The following INTS6 variants were observed in gnomAD, a reference collection of about 807,000 sequenced individuals.
INTS6 encodes DEAD box protein.
In INTS6, 16 loss-of-function variants were observed where a neutral mutation model predicts 104.9. The ratio of observed to expected loss-of-function variants is 0.15; its 90% confidence interval spans 0.10 to 0.23. INTS6 has a LOEUF of 0.23. Among genes scored for constraint, INTS6 ranks in the 10% least tolerant of loss-of-function variants. The pLI, the probability that INTS6 is intolerant of heterozygous loss-of-function variation, is 1.00. For missense variants in INTS6, 584 were observed against 1,062.8 expected, an observed-to-expected ratio of 0.55 and a Z score of 6.26; for synonymous variants, 324 against 358.7, an observed-to-expected ratio of 0.90 and a Z score of 1.09.
intron 3 of INTS6, among the ~76,000 whole-genome samples, chr13:51,431,175 C>T (rs945879969): frequency 3.9e-5 from 6 of 152,122 alleles, no homozygotes; most frequent in African/African-American, 1.4e-4. Flanking sequence ...ATAAGCTTGC[C>T]TTTTACATAT....
At chr13:51,334,852 A>G in the INTS6 span, among the ~76,000 whole-genome samples, 1 of 151,812 alleles carries the variant, frequency 6.6e-6, no homozygotes, top group East Asian at 1.9e-4. Flanking sequence ...GCATGGTGGC[A>G]GGCACCTGTA....
chr13:51,405,816 G>A (rs1367880497), intron 4 of INTS6, among the ~76,000 whole-genome samples: 2 of 152,232 alleles, frequency 1.3e-5, no homozygotes, highest in East Asian at 3.9e-4. Flanking sequence ...GTACGTTCCA[G>A]TCCTGGATAA....
chr13:51,429,793 T>A (rs202042455), intron 4 of INTS6, among the ~76,000 whole-genome samples: 5,216 of 102,798 alleles, frequency 0.051, 183 homozygotes, highest in East Asian at 0.12. Context: ...AAAATATATA[T>A]ATATATATAT....
At chr13:51,406,608 A>G (rs924482186) in intron 4 of INTS6, among the ~76,000 whole-genome samples, 1 of 152,084 alleles carries the variant, frequency 6.6e-6, no homozygotes, top group Non-Finnish European at 1.5e-5. Context: ...CAATGCTCCA[A>G]CGGAGACCAC....
intron 4 of INTS6, among the ~76,000 whole-genome samples, chr13:51,400,714 C>T (rs1198239470): frequency 6.6e-5 from 10 of 151,986 alleles, no homozygotes; most frequent in Admixed American, 6.6e-4. Context: ...TAAAAGTAAA[C>T]AATGTTTAGA....
chr13:51,440,351 AATC>A (rs1235110506), intron 3 of INTS6: 1 of 152,188 alleles, frequency 6.6e-6, no homozygotes, highest in African/African-American at 2.4e-5. Flanking sequence ...TTGTATCTTA[AATC>A]TTACTAAAAA....
chr13:51,346,931 T>C, the INTS6 span: 2 of 904,226 alleles, frequency 2.2e-6, no homozygotes, highest in Non-Finnish European at 3.5e-6. Context: ...CATTTTCGCA[T>C]TTTAACTCTG....
chr13:51,450,400 C>G, intron 3 of INTS6: 1 of 985,320 alleles, frequency 1.0e-6, no homozygotes, highest in African/African-American at 1.7e-5. Flanking sequence ...AGGGTTCTTT[C>G]ATATTTTCCA....
At chr13:51,435,263 T>C (rs1202016699) in intron 3 of INTS6, among the ~76,000 whole-genome samples, 2 of 151,996 alleles carry the variant, frequency 1.3e-5, no homozygotes, top group Non-Finnish European at 2.9e-5. Context: ...CATAAAGAAA[T>C]CCAAACATAT....
chr13:51,348,219 T>C, the INTS6 span: 1 of 1,586,594 alleles, frequency 6.3e-7, no homozygotes. Flanking sequence ...TCAGGTCAGT[T>C]CCAGGACACT....
Position 51,365,088 on chromosome 13 carries a change from TAC to T in INTS6, c.*662_*663del, listed in dbSNP as rs1347324320. 6.6e-6 allele frequency: 1 copy of T among 152,494 alleles called. No homozygotes were observed. Among genetic ancestry groups the T allele is most frequent in the Non-Finnish European group, 1.5e-5 (1 of 67,956 alleles). The allele number at this position is 152,494 out of a possible 1,614,324, so 9.4% of individuals were successfully genotyped here. A position where few individuals can be genotyped will look rare whatever the true frequency, so the allele number is the denominator to read the frequency against. ...CAATGCAGATTATGTAACATGTAAT[TAC>T]AGTTAGGCTTAACAAACATGAACTT... is the stretch of plus-strand genomic sequence containing the variant. On this transcript the variant is annotated 3_prime_UTR_variant, in exon 18 of 18. Coordinates refer to ENST00000311234, the MANE Select transcript of INTS6 (RefSeq NM_012141.3).
At chr13:51,385,511 G>A (rs985500360) in intron 7 of INTS6, among the ~76,000 whole-genome samples, 1 of 151,836 alleles carries the variant, frequency 6.6e-6, no homozygotes, top group Non-Finnish European at 1.5e-5. Context: ...ACTTGGCCAA[G>A]AAAATTTTGC....
At position 51,428,653 on chromosome 13, in the gene INTS6, A is replaced by G. The variant is rs1045948563; in HGVS notation, c.429+1641T>C. ...TGAATTTTTATTGCTTGCTTTTTAT[A>G]TAATCCACGTCTACCTGTTTCTGAA... On this transcript the variant is annotated intron_variant, in intron 4 of 17. Coordinates refer to ENST00000311234, the MANE Select transcript of INTS6 (RefSeq NM_012141.3). Among the ~76,000 whole-genome samples the G allele has an allele frequency of 2.6e-5, 4 of 152,032 alleles. No individual in the cohort carries two copies. In the South Asian group the frequency reaches 6.2e-4, roughly 24 times the overall value.
the INTS6 span, among the ~76,000 whole-genome samples, chr13:51,344,710 A>G: frequency 2.0e-5 from 3 of 152,024 alleles, no homozygotes; most frequent in African/African-American, 7.2e-5. Flanking sequence ...ATGGGCACAC[A>G]CACACACACA....
At chr13:51,340,769 T>G in the INTS6 span, 1 of 416,256 alleles carries the variant, frequency 2.4e-6, no homozygotes, top group African/African-American at 2.0e-5. Flanking sequence ...AATGCTTTGC[T>G]TCTGATCTGA....
rs2408363 is a variant in INTS6 at position 51,362,136 on chromosome 13, G to A, written c.*3616C>T. 0.14 allele frequency: 176,092 copies of A among 1,235,454 alleles called. 13,336 individuals are homozygous for A. The highest frequency in any genetic ancestry group is 0.17 in the South Asian group (7,728 of 45,876). The allele number at this position is 1,235,454 out of a possible 1,614,324, so 76.5% of individuals were successfully genotyped here. On this transcript the variant is annotated 3_prime_UTR_variant, in exon 18 of 18. Coordinates refer to ENST00000311234, the MANE Select transcript of INTS6 (RefSeq NM_012141.3). ...TCTCAGCTCATATATAGTTAATGTA[G>A]ATTTTTTTTTTTAATGCTATAGGTT...
rs748442492 is a variant in INTS6, at chr13:51,383,438, T to C, written c.1071A>G (p.Lys357=). Residue 357 remains lysine (K), a synonymous_variant, in exon 9 of 18, where the codon AAA becomes AAG. Transcript: ENST00000311234. ...CWQVYVSNSA[K]YSELGHPFGY... is the part of the protein sequence containing the mutation. ...CAAAAGGATGACCAAGTTCACTGTATTTTGCACTATTGCTCACGTACACCT... is the reference window on the plus strand; with the variant it reads ...CAAAAGGATGACCAAGTTCACTGTACTTTGCACTATTGCTCACGTACACCT... 4.3e-6 allele frequency: 7 copies of C among 1,613,968 alleles called. No individual in the cohort carries two copies. In the East Asian group the frequency reaches 1.6e-4, roughly 36 times the overall value.
At chr13:51,349,969 A>C (rs757690443), downstream of INTS6, among the ~76,000 whole-genome samples, 1 of 152,204 alleles carries the variant, frequency 6.6e-6, no homozygotes, top group Non-Finnish European at 1.5e-5. Flanking sequence ...GAACAAAACA[A>C]AAAAAGTAAA....
intron 3 of INTS6, among the ~76,000 whole-genome samples, chr13:51,434,073 A>G (rs1957144094): frequency 6.6e-6 from 1 of 152,236 alleles, no homozygotes; most frequent in Non-Finnish European, 1.5e-5. Flanking sequence ...TCTCTTGGAC[A>G]TAATTCCATA....
Sources: allele counts gnomAD v4.1 joint callset (sites outside exome capture counted in the v4.1 genomes callset), GRCh38; gene constraint gnomAD v4.1.1; transcripts MANE v1.5; gene names NCBI Gene and HGNC (gene_info 2026-07-23, HGNC 2026-07-21).